The following CDH18 variants were observed in gnomAD, a reference collection of about 807,000 sequenced individuals.
The protein encoded by CDH18 is cadherin 18, also known as cadherin-18.
A neutral mutation model predicts 67.9 loss-of-function variants in CDH18; 31 were observed. The ratio of observed to expected loss-of-function variants is 0.46; its 90% CI spans 0.34 to 0.62. CDH18 has a LOEUF of 0.62. Among genes scored for constraint, CDH18 ranks in the 20% least tolerant of loss-of-function variants. CDH18 has a pLI of 0.01. For synonymous variants in CDH18, 362 were observed against 347.2 expected, an observed-to-expected ratio of 1.04 and a Z score of -0.48; for missense variants, 890 against 975.5, an observed-to-expected ratio of 0.91 and a Z score of 1.17.
intron 2 of CDH18, among the ~76,000 whole-genome samples, chr5:20,047,671 AT>A (rs1455396190): frequency 2.0e-5 from 3 of 151,840 alleles, no homozygotes; most frequent in Admixed American, 2.0e-4. Context: ...TCTGCTATTC[AT>A]TACAGAAAAG....
chr5:20,113,966 C>G (rs1747685541), intron 2 of CDH18, among the ~76,000 whole-genome samples: 1 of 152,152 alleles, frequency 6.6e-6, no homozygotes, highest in African/African-American at 2.4e-5. Flanking sequence ...CCCCAACAGT[C>G]TTTGGTTAAG....
At chr5:20,450,654 G>T (rs901303316) in intron 1 of CDH18, among the ~76,000 whole-genome samples, 5 of 151,976 alleles carry the variant, frequency 3.3e-5, no homozygotes, top group African/African-American at 1.2e-4. Flanking sequence ...GTATTCTCCT[G>T]GTATATGCAT....
chr5:20,433,998 C>T (rs979228572), intron 1 of CDH18, among the ~76,000 whole-genome samples: 1 of 152,000 alleles, frequency 6.6e-6, no homozygotes, highest in Non-Finnish European at 1.5e-5. Context: ...CCATTGAGTT[C>T]AACAACCATT....
At chr5:20,328,508 T>A (rs9286710) in intron 1 of CDH18, among the ~76,000 whole-genome samples, 32,679 of 110,880 alleles carry the variant, frequency 0.29, 5,716 homozygotes, top group East Asian at 0.59. Flanking sequence ...TGTGTGTGTG[T>A]GAGAGAGAGA....
chr5:20,278,187 G>A (rs2126687213), intron 1 of CDH18, among the ~76,000 whole-genome samples: 1 of 152,128 alleles, frequency 6.6e-6, no homozygotes, highest in Non-Finnish European at 1.5e-5. Context: ...AGATGTAACA[G>A]AAATAAACTA....
chr5:19,834,261 T>C (rs1351339434), intron 3 of CDH18, among the ~76,000 whole-genome samples: 3 of 151,992 alleles, frequency 2.0e-5, no homozygotes, highest in African/African-American at 7.2e-5. Flanking sequence ...TAGTAGGGTG[T>C]ATACATCCAG....
chr5:19,616,593 A>G (rs1428998625), intron 5 of CDH18, among the ~76,000 whole-genome samples: 1 of 152,132 alleles, frequency 6.6e-6, no homozygotes, highest in Non-Finnish European at 1.5e-5. Context: ...GTTTACAATT[A>G]TCCTGAAGTT....
chr5:20,494,308 G>A (rs1753776738), intron 1 of CDH18, among the ~76,000 whole-genome samples: 1 of 151,080 alleles, frequency 6.6e-6, no homozygotes, highest in Admixed American at 6.6e-5. Context: ...TACAAAGGAA[G>A]AGGATAAAGG....
intron 2 of CDH18, among the ~76,000 whole-genome samples, chr5:20,160,158 G>T (rs562717046): frequency 6.6e-6 from 1 of 152,274 alleles, no homozygotes; most frequent in East Asian, 1.9e-4. Flanking sequence ...TCCTAACACA[G>T]AAACATTTCA....
At chr5:19,848,445 C>A (rs943077403) in intron 2 of CDH18, among the ~76,000 whole-genome samples, 9 of 152,064 alleles carry the variant, frequency 5.9e-5, no homozygotes, top group African/African-American at 1.9e-4. Flanking sequence ...GGAGGAGGAG[C>A]CTCTTAATCA....
chr5:19,642,641 C>T (rs1325053645), intron 5 of CDH18, among the ~76,000 whole-genome samples: 1 of 151,840 alleles, frequency 6.6e-6, no homozygotes, highest in African/African-American at 2.4e-5. Context: ...TTTAAATGGA[C>T]CCTTATTCTC....
chr5:19,599,348 C>A (rs551463982), intron 6 of CDH18, among the ~76,000 whole-genome samples: 1 of 151,972 alleles, frequency 6.6e-6, no homozygotes, highest in Non-Finnish European at 1.5e-5. Context: ...AAATTCAAGT[C>A]ATTTAACATG....
intron 2 of CDH18, among the ~76,000 whole-genome samples, chr5:19,993,972 G>A (rs1226999390): frequency 6.6e-6 from 1 of 152,102 alleles, no homozygotes; most frequent in Non-Finnish European, 1.5e-5. Flanking sequence ...TGGCATATTG[G>A]CAGACTATTA....
chr5:20,543,239 T>A (rs1757153326), intron 1 of CDH18, among the ~76,000 whole-genome samples: 1 of 143,572 alleles, frequency 7.0e-6, no homozygotes, highest in Admixed American at 7.2e-5. Context: ...GAGTAACAGG[T>A]AAAATAGTTA....
chr5:19,555,029 C>A (rs1350420928), intron 8 of CDH18, among the ~76,000 whole-genome samples: 3 of 152,116 alleles, frequency 2.0e-5, no homozygotes, highest in Non-Finnish European at 4.4e-5. Context: ...AACTGTGACA[C>A]AACATTATAA....
intron 5 of CDH18, among the ~76,000 whole-genome samples, chr5:19,646,427 C>T (rs1242290071): frequency 1.3e-5 from 2 of 151,784 alleles, no homozygotes; most frequent in Admixed American, 6.6e-5. Context: ...GCAACCTCCA[C>T]CTCCTGGGTT....
At chr5:19,960,671 A>ATG (rs1796760624) in intron 2 of CDH18, among the ~76,000 whole-genome samples, 1 of 128,950 alleles carries the variant, frequency 7.8e-6, no homozygotes, top group Non-Finnish European at 1.5e-5. Context: ...ATACACATGT[A>ATG]TATATATGTA....
chr5:20,254,767 T>C (rs969028731), intron 2 of CDH18, among the ~76,000 whole-genome samples: 2 of 152,132 alleles, frequency 1.3e-5, no homozygotes, highest in African/African-American at 4.8e-5. Context: ...CTACTGTGTA[T>C]ATACCCAAAG....
intron 1 of CDH18, among the ~76,000 whole-genome samples, chr5:20,387,996 G>A (rs780541001): frequency 2.4e-4 from 37 of 152,076 alleles, no homozygotes; most frequent in Admixed American, 1.8e-3. Flanking sequence ...TTTTTGCATC[G>A]ATGTTCATCA....
Sources: allele counts gnomAD v4.1 joint callset (sites outside exome capture counted in the v4.1 genomes callset), GRCh38; gene constraint gnomAD v4.1.1; transcripts MANE v1.5; gene names NCBI Gene and HGNC (gene_info 2026-07-23, HGNC 2026-07-21).